SLC14A2: variants seen among roughly 807,000 people sequenced by gnomAD.
SLC14A2 encodes urea transporter 2.
SLC14A2 carries 91 observed loss-of-function variants against 104.6 expected under a neutral mutation model. The observed-to-expected ratio is 0.87, with a 90% CI of 0.73 to 1.04. SLC14A2 has a LOEUF of 1.04. SLC14A2 is among the 50% of genes least tolerant of loss of function. The probability of loss-of-function intolerance (pLI) is 0.00; values close to 1 mark genes in which losing one functional copy is unlikely to be tolerated. For missense variants in SLC14A2, 1,189 were observed against 1,156.0 expected, an observed-to-expected ratio of 1.03 and a Z score of -0.41; for synonymous variants, 476 against 466.4, an observed-to-expected ratio of 1.02 and a Z score of -0.27.
intron 1 of SLC14A2, among the ~76,000 whole-genome samples, chr18:45,254,700 G>A (rs1358341697): frequency 6.6e-6 from 1 of 152,118 alleles, no homozygotes; most frequent in Non-Finnish European, 1.5e-5. Flanking sequence ...AGCAATCTCG[G>A]TGAAAATAAG....
chr18:45,380,083 G>A (rs1477587755), intron 1 of SLC14A2, among the ~76,000 whole-genome samples: 1 of 152,160 alleles, frequency 6.6e-6, no homozygotes, highest in Non-Finnish European at 1.5e-5. Flanking sequence ...TTATACCCTA[G>A]TACCTTTTAA....
chr18:45,494,155 A>T (rs1170182734), intron 2 of SLC14A2, among the ~76,000 whole-genome samples: 1 of 152,210 alleles, frequency 6.6e-6, no homozygotes, highest in Non-Finnish European at 1.5e-5. Context: ...GGAAGGCAAG[A>T]ATTGGGTGAC....
intron 1 of SLC14A2, among the ~76,000 whole-genome samples, chr18:45,216,148 A>G (rs1230825111): frequency 6.6e-6 from 1 of 152,204 alleles, no homozygotes; most frequent in Non-Finnish European, 1.5e-5. Flanking sequence ...AGTGGGGTAG[A>G]TTTAAGTATT....
chr18:45,499,986 C>T (rs1461146895), intron 2 of SLC14A2, among the ~76,000 whole-genome samples: 1 of 152,172 alleles, frequency 6.6e-6, no homozygotes, highest in Non-Finnish European at 1.5e-5. Flanking sequence ...TCTCACTATG[C>T]CTGACGATAG....
intron 1 of SLC14A2, among the ~76,000 whole-genome samples, chr18:45,302,513 A>G (rs2144194236): frequency 6.6e-6 from 1 of 152,246 alleles, no homozygotes; most frequent in East Asian, 1.9e-4. Flanking sequence ...CCCTTTGTCT[A>G]TTTTCCCATC....
At chr18:45,461,026 T>C (rs1166570971) in intron 1 of SLC14A2, among the ~76,000 whole-genome samples, 1 of 152,122 alleles carries the variant, frequency 6.6e-6, no homozygotes, top group Non-Finnish European at 1.5e-5. Flanking sequence ...CAGCTCCCAC[T>C]CCCTCACAAA....
the SLC14A2 span, among the ~76,000 whole-genome samples, chr18:45,188,846 A>G: frequency 2.0e-4 from 30 of 152,218 alleles, no homozygotes; most frequent in African/African-American, 7.0e-4. Flanking sequence ...TTGAGAGTTC[A>G]GGACACCCTG....
At chr18:45,578,764 T>C (rs2044449445) in intron 2 of SLC14A2, among the ~76,000 whole-genome samples, 1 of 152,244 alleles carries the variant, frequency 6.6e-6, no homozygotes, top group Admixed American at 6.5e-5. Context: ...TAATTATTAC[T>C]CCTGTCCTTT....
chr18:45,600,646 G>C (rs1351860102), intron 2 of SLC14A2, among the ~76,000 whole-genome samples: 1 of 152,132 alleles, frequency 6.6e-6, no homozygotes, highest in Non-Finnish European at 1.5e-5. Context: ...GGGGCAATGA[G>C]GAAGAGGCTG....
At chr18:45,411,971 C>T (rs2086220224) in intron 1 of SLC14A2, among the ~76,000 whole-genome samples, 1 of 152,192 alleles carries the variant, frequency 6.6e-6, no homozygotes, top group South Asian at 2.1e-4. Flanking sequence ...GCACTCCCAA[C>T]CAAGAAAAAG....
intron 1 of SLC14A2, among the ~76,000 whole-genome samples, chr18:45,306,448 C>A (rs1337051530): frequency 2.6e-5 from 4 of 152,118 alleles, no homozygotes; most frequent in African/African-American, 9.7e-5. Context: ...AGCTACCGGA[C>A]CCTGCCCTCG....
intron 1 of SLC14A2, among the ~76,000 whole-genome samples, chr18:45,385,967 T>G (rs80327859): frequency 0.011 from 1,631 of 152,196 alleles, 29 homozygotes; most frequent in African/African-American, 0.037. Flanking sequence ...ACTGTGGGTG[T>G]GGGTGAAGCA....
chr18:45,233,493 A>G (rs954580886), intron 1 of SLC14A2, among the ~76,000 whole-genome samples: 11 of 152,242 alleles, frequency 7.2e-5, no homozygotes, highest in African/African-American at 2.6e-4. Flanking sequence ...AAACCAAACA[A>G]AAAAGTCCCC....
chr18:45,649,900 G>A lies in SLC14A2; in HGVS notation c.1351+5740G>A, dbSNP rs117353952. Among the ~76,000 whole-genome samples the A allele has an allele frequency of 6.9e-4, 105 of 152,300 alleles. No individual in the cohort carries two copies. The East Asian group carries it at 0.017, about 25-fold the overall frequency. On this transcript the variant is annotated intron_variant, in intron 10 of 19. Transcript: ENST00000255226. ...GTTGTCCTTTCTGTCTTCGGAGTTCGGGAATTTTATGAAGCTAAGCCCAGG... is the reference window on the plus strand; with the variant it reads ...GTTGTCCTTTCTGTCTTCGGAGTTCAGGAATTTTATGAAGCTAAGCCCAGG...
intron 2 of SLC14A2, among the ~76,000 whole-genome samples, chr18:45,542,596 T>C (rs1056164757): frequency 2.6e-5 from 4 of 152,140 alleles, no homozygotes; most frequent in African/African-American, 9.7e-5. Context: ...AAATAAAAAT[T>C]GAATTTCATT....
intron 1 of SLC14A2, among the ~76,000 whole-genome samples, chr18:45,404,099 C>T (rs764082287): frequency 9.9e-5 from 15 of 152,170 alleles, no homozygotes; most frequent in Non-Finnish European, 1.9e-4. Flanking sequence ...ACTCTATTAC[C>T]TCTTCCCAAT....
At chr18:45,587,576 G>A (rs1312746201) in intron 2 of SLC14A2, among the ~76,000 whole-genome samples, 2 of 152,128 alleles carry the variant, frequency 1.3e-5, no homozygotes, top group Non-Finnish European at 2.9e-5. Context: ...ATGAGCAGAG[G>A]GTAGCAGGAT....
At chr18:45,601,561 T>C (rs1425646326) in intron 2 of SLC14A2, among the ~76,000 whole-genome samples, 2 of 152,372 alleles carry the variant, frequency 1.3e-5, no homozygotes, top group African/African-American at 4.8e-5. Flanking sequence ...ACTTTGACTT[T>C]GTCATCTTAA....
At chr18:45,309,870 G>A (rs12458939) in intron 1 of SLC14A2, among the ~76,000 whole-genome samples, 42,013 of 151,618 alleles carry the variant, frequency 0.28, 7,085 homozygotes, top group African/African-American at 0.48. Context: ...AGAAGTAATC[G>A]TTATTCTAAA....
Sources: gnomAD v4.1 joint callset for allele counts (sites outside exome capture counted in the v4.1 genomes callset) on GRCh38, gnomAD v4.1.1 for gene constraint, MANE v1.5 for transcripts, NCBI Gene and HGNC (gene_info 2026-07-23, HGNC 2026-07-21) for gene names.